BCL2: variants seen among roughly 807,000 people sequenced by gnomAD.
BCL2 encodes apoptosis regulator Bcl-2.
Under a neutral mutation model 14.2 loss-of-function variants are expected in BCL2, and 1 was observed. That is an observed-to-expected ratio of 0.07 (90% confidence interval 0.02 to 0.33). The LOEUF (loss-of-function observed/expected upper bound fraction) is 0.33, where lower values mean the gene tolerates loss of function less well. BCL2 is among the 10% of genes least tolerant of loss of function. The pLI is 0.99. For missense variants in BCL2, 247 were observed against 305.9 expected, an observed-to-expected ratio of 0.81 and a Z score of 1.44; for synonymous variants, 151 against 137.2, an observed-to-expected ratio of 1.10 and a Z score of -0.70.
chr18:63,248,918 C>T (rs1911227133), intron 2 of BCL2, among the ~76,000 whole-genome samples: 2 of 152,224 alleles, frequency 1.3e-5, no homozygotes, highest in South Asian at 2.1e-4. Flanking sequence ...TAGAGCAGCA[C>T]TTCACAGAGT....
rs886242395 is a variant in BCL2, at chr18:63,123,770, C to G, written c.*4855G>C. The G allele has an allele frequency of 3.7e-5, 8 of 219,066 alleles. No individual in the cohort carries two copies. The highest frequency in any genetic ancestry group is 7.3e-5 in the Non-Finnish European group (8 of 109,184). 13.6% of individuals were successfully genotyped at this position (219,066 alleles called of 1,614,324 possible). A position where few individuals can be genotyped will look rare whatever the true frequency, so the allele number is the denominator to read the frequency against. ...AAAGCTTCCCCAAAAGAAATGCAAT[C>G]CACTGTCACTCTTGCAAATTCTACC... On this transcript the variant is annotated 3_prime_UTR_variant, in exon 3 of 3. Coordinates refer to ENST00000333681, the MANE Select transcript of BCL2 (RefSeq NM_000633.3).
At chr18:63,150,912 C>T (rs1914636758) in intron 2 of BCL2, among the ~76,000 whole-genome samples, 1 of 152,082 alleles carries the variant, frequency 6.6e-6, no homozygotes, top group Non-Finnish European at 1.5e-5. Context: ...TTTTTCCTAG[C>T]AAGACAGGCA....
intron 2 of BCL2, among the ~76,000 whole-genome samples, chr18:63,258,009 T>C (rs1013297246): frequency 6.6e-6 from 1 of 152,200 alleles, no homozygotes; most frequent in African/African-American, 2.4e-5. Context: ...AACACGGTCT[T>C]TGTAAATGTA....
At chr18:63,157,600 A>G (rs2144615112) in intron 2 of BCL2, among the ~76,000 whole-genome samples, 1 of 152,340 alleles carries the variant, frequency 6.6e-6, no homozygotes, top group Admixed American at 6.5e-5. Flanking sequence ...TTATAATTGT[A>G]ACGCAGTGCA....
At chr18:63,253,074 G>A (rs533981673) in intron 2 of BCL2, among the ~76,000 whole-genome samples, 17 of 152,302 alleles carry the variant, frequency 1.1e-4, no homozygotes, top group Non-Finnish European at 1.6e-4. Context: ...CACAGTTTGC[G>A]TTTGTTTATG....
intron 2 of BCL2, among the ~76,000 whole-genome samples, chr18:63,216,738 A>G (rs371257876): frequency 1.3e-5 from 2 of 152,346 alleles, no homozygotes; most frequent in Non-Finnish European, 1.5e-5. Context: ...AGAGACGTGC[A>G]CCACTGAAAG....
intron 2 of BCL2, among the ~76,000 whole-genome samples, chr18:63,229,869 G>A (rs1052517412): frequency 2.0e-5 from 3 of 152,106 alleles, no homozygotes; most frequent in Non-Finnish European, 4.4e-5. Context: ...TGGGTGCCTT[G>A]GATATGCTGT....
chr18:63,237,673 C>A (rs1910879295), intron 2 of BCL2, among the ~76,000 whole-genome samples: 1 of 152,164 alleles, frequency 6.6e-6, no homozygotes, highest in Non-Finnish European at 1.5e-5. Flanking sequence ...TTATGGAAAG[C>A]TGGTCAAAGG....
intron 2 of BCL2, among the ~76,000 whole-genome samples, chr18:63,170,998 A>G (rs1380112875): frequency 6.6e-6 from 1 of 152,256 alleles, no homozygotes; most frequent in Admixed American, 6.5e-5. Flanking sequence ...AGATTAGAAA[A>G]GGAACGATTT....
chr18:63,166,142 C>T (rs768245954), intron 2 of BCL2, among the ~76,000 whole-genome samples: 8 of 152,136 alleles, frequency 5.3e-5, no homozygotes, highest in Non-Finnish European at 8.8e-5. Context: ...GGGGCACTCA[C>T]GGCTTTATAG....
intron 2 of BCL2, among the ~76,000 whole-genome samples, chr18:63,303,635 C>T (rs978301564): frequency 6.6e-6 from 1 of 152,170 alleles, no homozygotes. Context: ...ATTGACTTTG[C>T]AGAACCTCTG....
chr18:63,289,623 G>T (rs1298694655), intron 2 of BCL2, among the ~76,000 whole-genome samples: 1 of 152,154 alleles, frequency 6.6e-6, no homozygotes, highest in Non-Finnish European at 1.5e-5. Context: ...AAAAAAAAGG[G>T]TGGCTCATGC....
At chr18:63,312,319 A>G (rs1259331730) in intron 2 of BCL2, among the ~76,000 whole-genome samples, 1 of 152,230 alleles carries the variant, frequency 6.6e-6, no homozygotes, top group African/African-American at 2.4e-5. Context: ...AGAAAGTCCC[A>G]TGGCTTGGAA....
chr18:63,280,670 A>C (rs2144253729), intron 2 of BCL2, among the ~76,000 whole-genome samples: 1 of 152,330 alleles, frequency 6.6e-6, no homozygotes, highest in Admixed American at 6.5e-5. Context: ...CATCTTGAAA[A>C]ACCAGAAAAT....
At chr18:63,217,311 C>T (rs150878843) in intron 2 of BCL2, among the ~76,000 whole-genome samples, 3 of 152,264 alleles carry the variant, frequency 2.0e-5, no homozygotes, top group East Asian at 1.9e-4. Flanking sequence ...GCCAGTACTT[C>T]CAATAAAATA....
At chr18:63,187,791 G>A (rs2144648509) in intron 2 of BCL2, among the ~76,000 whole-genome samples, 1 of 152,342 alleles carries the variant, frequency 6.6e-6, no homozygotes, top group Non-Finnish European at 1.5e-5. Context: ...GCCAGGCTTA[G>A]AATTAGTTCG....
chr18:63,169,853 C>G (rs749485691), intron 2 of BCL2, among the ~76,000 whole-genome samples: 1 of 152,000 alleles, frequency 6.6e-6, no homozygotes, highest in Non-Finnish European at 1.5e-5. Context: ...TGCCGGTGGC[C>G]GTCATCAAAG....
chr18:63,205,958 T>C (rs746538559), intron 2 of BCL2, among the ~76,000 whole-genome samples: 10 of 152,216 alleles, frequency 6.6e-5, no homozygotes, highest in Non-Finnish European at 1.0e-4. Flanking sequence ...GCTTTCCCTG[T>C]AGTCCATTTC....
intron 2 of BCL2, among the ~76,000 whole-genome samples, chr18:63,198,517 C>A (rs1021400407): frequency 5.1e-5 from 7 of 138,260 alleles, no homozygotes; most frequent in Non-Finnish European, 1.1e-4. Context: ...CACAGACACA[C>A]ATAGACACAG....
Sources: allele counts gnomAD v4.1 joint callset (sites outside exome capture counted in the v4.1 genomes callset), GRCh38; gene constraint gnomAD v4.1.1; transcripts MANE v1.5; gene names NCBI Gene and HGNC (gene_info 2026-07-23, HGNC 2026-07-21).